The following PACSIN2 variants were observed in gnomAD, a reference collection of about 807,000 sequenced individuals.
PACSIN2 encodes the protein protein kinase C and casein kinase substrate in neurons 2.
PACSIN2 carries 25 observed loss-of-function variants against 63.8 expected under a neutral mutation model. The ratio of observed to expected loss-of-function variants is 0.39; its 90% CI spans 0.29 to 0.55. PACSIN2 has a LOEUF of 0.55. Ranked by LOEUF, PACSIN2 falls within the 20% of genes least tolerant of loss-of-function variation. The pLI is 0.62. For synonymous variants in PACSIN2, 255 were observed against 256.2 expected (o/e 1.00, Z 0.05); for missense variants, 518 against 646.9 (o/e 0.80, Z 2.16).
chr22:42,914,594 A>G (rs1183665922), intron 1 of PACSIN2, among the ~76,000 whole-genome samples: 3 of 152,010 alleles, frequency 2.0e-5, no homozygotes, highest in Non-Finnish European at 4.4e-5. Context: ...TCAGCAGGAG[A>G]AAGTTTTCTA....
intron 1 of PACSIN2, among the ~76,000 whole-genome samples, chr22:42,941,674 C>T (rs1933165986): frequency 6.6e-6 from 1 of 152,092 alleles, no homozygotes; most frequent in Non-Finnish European, 1.5e-5. Context: ...TGCTTATTGG[C>T]CATTTGTATA....
intron 1 of PACSIN2, among the ~76,000 whole-genome samples, chr22:42,989,328 C>T (rs1433158721): frequency 6.6e-6 from 1 of 151,972 alleles, no homozygotes; most frequent in Non-Finnish European, 1.5e-5. Context: ...GAAACCCCAT[C>T]TCTACTAAAA....
At chr22:43,007,354 C>G (rs181171955) in intron 1 of PACSIN2, among the ~76,000 whole-genome samples, 1 of 152,002 alleles carries the variant, frequency 6.6e-6, no homozygotes, top group Non-Finnish European at 1.5e-5. Flanking sequence ...TACCTGGGTT[C>G]ACAGTCACAA....
chr22:42,994,095 A>G (rs1923234702), intron 1 of PACSIN2, among the ~76,000 whole-genome samples: 1 of 152,180 alleles, frequency 6.6e-6, no homozygotes, highest in East Asian at 1.9e-4. Flanking sequence ...CACGATGTAG[A>G]CTGGAATCCT....
chr22:42,897,678 G>A (rs2077446), intron 2 of PACSIN2, among the ~76,000 whole-genome samples: 29,083 of 152,162 alleles, frequency 0.19, 4,536 homozygotes, highest in East Asian at 0.55. Context: ...CAGACGGAGG[G>A]CCAAGCATGT....
At chr22:42,919,104 T>C (rs181053791) in intron 1 of PACSIN2, among the ~76,000 whole-genome samples, 2 of 152,326 alleles carry the variant, frequency 1.3e-5, no homozygotes, top group Non-Finnish European at 2.9e-5. Context: ...TGGAAATCAA[T>C]TTATTAATGC....
chr22:42,901,902 A>G (rs1216131701), intron 2 of PACSIN2, among the ~76,000 whole-genome samples: 1 of 152,106 alleles, frequency 6.6e-6, no homozygotes, highest in Non-Finnish European at 1.5e-5. Context: ...TTCAGCTCGG[A>G]CCAGCTGGCT....
intron 2 of PACSIN2, among the ~76,000 whole-genome samples, chr22:42,901,501 C>T (rs1289264245): frequency 6.6e-6 from 1 of 152,218 alleles, no homozygotes; most frequent in Admixed American, 6.5e-5. Flanking sequence ...ACAGATCTGG[C>T]CCTGCCCCAA....
At chr22:42,910,717 A>T (rs1055662498) in intron 2 of PACSIN2, among the ~76,000 whole-genome samples, 2 of 139,828 alleles carry the variant, frequency 1.4e-5, no homozygotes, top group Non-Finnish European at 3.0e-5. Context: ...CGGCTGCTGA[A>T]ATTTGAGCTG....
At chr22:43,008,353 C>A (rs1172676446) in intron 1 of PACSIN2, among the ~76,000 whole-genome samples, 1 of 152,080 alleles carries the variant, frequency 6.6e-6, no homozygotes, top group African/African-American at 2.4e-5. Context: ...TGGGTTCAAG[C>A]CATTCGCCTG....
chr22:42,880,873 T>G (rs1311175214), intron 7 of PACSIN2, among the ~76,000 whole-genome samples: 1 of 152,156 alleles, frequency 6.6e-6, no homozygotes, highest in Non-Finnish European at 1.5e-5. Flanking sequence ...ACAGGTGGTT[T>G]CCTGTGCCAC....
intron 1 of PACSIN2, among the ~76,000 whole-genome samples, chr22:42,998,195 G>A (rs1923539598): frequency 6.6e-6 from 1 of 152,242 alleles, no homozygotes; most frequent in South Asian, 2.1e-4. Context: ...TTGGTACCAT[G>A]AGAGTGAGAC....
intron 1 of PACSIN2, among the ~76,000 whole-genome samples, chr22:42,916,451 G>T (rs928733085): frequency 3.3e-5 from 5 of 152,152 alleles, no homozygotes; most frequent in African/African-American, 7.2e-5. Flanking sequence ...GGCAGGCACC[G>T]AGCTGAGTTC....
At chr22:42,907,309 C>T (rs562464083) in intron 2 of PACSIN2, among the ~76,000 whole-genome samples, 59 of 152,344 alleles carry the variant, frequency 3.9e-4, no homozygotes, top group Admixed American at 1.8e-3. Flanking sequence ...GCCATCCAAT[C>T]TGCTTTTCTA....
chr22:42,980,621 C>T (rs1245890471), intron 1 of PACSIN2, among the ~76,000 whole-genome samples: 2 of 131,792 alleles, frequency 1.5e-5, no homozygotes, highest in African/African-American at 2.9e-5. Flanking sequence ...CGAGTGCCTG[C>T]GATTGCAGGC....
chr22:42,939,508 C>T (rs1601551070), intron 1 of PACSIN2, among the ~76,000 whole-genome samples: 1 of 152,192 alleles, frequency 6.6e-6, no homozygotes, highest in Non-Finnish European at 1.5e-5. Flanking sequence ...TGAACCAGAA[C>T]GATGCAACTC....
intron 5 of PACSIN2, among the ~76,000 whole-genome samples, chr22:42,884,840 C>T (rs904259124): frequency 2.6e-5 from 4 of 152,228 alleles, no homozygotes; most frequent in African/African-American, 7.2e-5. Context: ...TGGTCTTGAG[C>T]GTGCCACACG....
At chr22:42,994,943 C>T (rs908293485) in intron 1 of PACSIN2, among the ~76,000 whole-genome samples, 1 of 152,232 alleles carries the variant, frequency 6.6e-6, no homozygotes, top group African/African-American at 2.4e-5. Flanking sequence ...CTCTGTCTCA[C>T]TGGACTTTAC....
At chr22:42,968,133 T>C (rs1339541853) in intron 1 of PACSIN2, among the ~76,000 whole-genome samples, 1 of 152,144 alleles carries the variant, frequency 6.6e-6, no homozygotes, top group African/African-American at 2.4e-5. Flanking sequence ...CAACCCTGGC[T>C]CCCTCTGACG....
Sources: gnomAD v4.1 joint callset for allele counts (sites outside exome capture counted in the v4.1 genomes callset) on GRCh38, gnomAD v4.1.1 for gene constraint, MANE v1.5 for transcripts, NCBI Gene and HGNC (gene_info 2026-07-23, HGNC 2026-07-21) for gene names.